Variants in KCNIP4 observed in about 807,000 individuals in gnomAD.
The protein encoded by KCNIP4 is Kv channel-interacting protein 4.
A neutral mutation model predicts 34.0 loss-of-function variants in KCNIP4; 12 were observed. The ratio of observed to expected loss-of-function variants is 0.35; its 90% CI spans 0.23 to 0.57. The LOEUF (loss-of-function observed/expected upper bound fraction) is 0.57. Ranked by LOEUF, KCNIP4 falls within the 20% of genes least tolerant of loss-of-function variation. The pLI, the probability that KCNIP4 is intolerant of heterozygous loss-of-function variation, is 0.83. For synonymous variants in KCNIP4, 124 were observed against 102.2 expected (o/e 1.21, Z -1.29); for missense variants, 238 against 311.7 (o/e 0.76, Z 1.78).
intron 1 of KCNIP4, among the ~76,000 whole-genome samples, chr4:21,271,229 C>T (rs1426343062): frequency 6.6e-6 from 1 of 152,088 alleles, no homozygotes; most frequent in Non-Finnish European, 1.5e-5. Context: ...TCTGTAAGGT[C>T]ATTAACCAAA....
At chr4:21,860,141 T>G (rs1219803644) in intron 1 of KCNIP4, among the ~76,000 whole-genome samples, 4 of 152,152 alleles carry the variant, frequency 2.6e-5, no homozygotes, top group Admixed American at 2.6e-4. Context: ...TTTGTTTTGT[T>G]TTGTTTTTTT....
rs141987105 is a variant in KCNIP4 at position 20,819,234 on chromosome 4, G to A, written c.288+31309C>T. On this transcript the variant is annotated intron_variant, in intron 3 of 8. Coordinates refer to ENST00000382152, the MANE Select transcript of KCNIP4 (RefSeq NM_025221.6). ...ACTATCATTATCTCGTTTTACGGAT[G>A]AGATAACAAAGTTACACTGTTAATA... Among the ~76,000 whole-genome samples, 3 of 142,666 alleles carry A rather than the reference G, an allele frequency of 2.1e-5. No homozygotes were observed. In the Admixed American group the frequency reaches 2.3e-4, roughly 11 times the overall value. 93.6% of individuals were successfully genotyped at this position (142,666 alleles called of 152,430 possible). A position where few individuals can be genotyped will look rare whatever the true frequency, so the allele number is the denominator to read the frequency against.
intron 1 of KCNIP4, among the ~76,000 whole-genome samples, chr4:21,568,330 A>G (rs575226391): frequency 6.6e-6 from 1 of 152,230 alleles, no homozygotes; most frequent in African/African-American, 2.4e-5. Flanking sequence ...GTCCTTATGA[A>G]AAGGAGATAT....
At chr4:21,308,635 A>G (rs1282303873) in intron 1 of KCNIP4, among the ~76,000 whole-genome samples, 1 of 152,184 alleles carries the variant, frequency 6.6e-6, no homozygotes, top group Non-Finnish European at 1.5e-5. Flanking sequence ...AACACTTGAT[A>G]GTGACTTTTT....
chr4:21,334,274 G>C (rs1018791195), intron 1 of KCNIP4, among the ~76,000 whole-genome samples: 5 of 151,862 alleles, frequency 3.3e-5, no homozygotes, highest in Non-Finnish European at 5.9e-5. Context: ...GTCATGGGGG[G>C]AATAAAAGGG....
chr4:21,795,689 G>A (rs1720575234), intron 1 of KCNIP4, among the ~76,000 whole-genome samples: 1 of 151,866 alleles, frequency 6.6e-6, no homozygotes, highest in Admixed American at 6.6e-5. Context: ...CTTAAGTATA[G>A]TTTAGTAAAA....
intron 1 of KCNIP4, among the ~76,000 whole-genome samples, chr4:21,938,862 AT>A (rs1410102662): frequency 6.6e-6 from 1 of 152,176 alleles, no homozygotes; most frequent in Admixed American, 6.5e-5. Context: ...ACCTTAAACA[AT>A]TAACATATCT....
chr4:21,717,960 T>A (rs1714515651), intron 1 of KCNIP4, among the ~76,000 whole-genome samples: 1 of 152,200 alleles, frequency 6.6e-6, no homozygotes, highest in African/African-American at 2.4e-5. Context: ...ACTTCTCTGT[T>A]CTGAATCTGT....
intron 1 of KCNIP4, among the ~76,000 whole-genome samples, chr4:21,831,172 T>G (rs970426181): frequency 3.3e-5 from 5 of 152,100 alleles, no homozygotes; most frequent in Non-Finnish European, 1.5e-5. Flanking sequence ...CTAAAAGGGA[T>G]GTTTATAGCA....
intron 1 of KCNIP4, among the ~76,000 whole-genome samples, chr4:21,866,532 G>T (rs1229784064): frequency 6.6e-6 from 1 of 150,944 alleles, no homozygotes; most frequent in Non-Finnish European, 1.5e-5. Context: ...TGATTTTTAG[G>T]AATCTACACT....
At chr4:20,923,700 A>G (rs1269230506) in intron 1 of KCNIP4, among the ~76,000 whole-genome samples, 1 of 152,176 alleles carries the variant, frequency 6.6e-6, no homozygotes, top group Non-Finnish European at 1.5e-5. Context: ...ACAAAACAAT[A>G]AGTTCAGAAG....
At chr4:20,837,279 A>T (rs1719155673) in intron 3 of KCNIP4, among the ~76,000 whole-genome samples, 1 of 152,218 alleles carries the variant, frequency 6.6e-6, no homozygotes, top group African/African-American at 2.4e-5. Context: ...TAGTCAACAC[A>T]GATTTAAGAG....
intron 1 of KCNIP4, among the ~76,000 whole-genome samples, chr4:21,588,456 G>C (rs1295117227): frequency 6.6e-6 from 1 of 151,952 alleles, no homozygotes; most frequent in Non-Finnish European, 1.5e-5. Flanking sequence ...AGGTATGTGA[G>C]GTTTACCTCC....
chr4:21,203,778 T>A (rs560108402), intron 1 of KCNIP4, among the ~76,000 whole-genome samples: 1 of 152,368 alleles, frequency 6.6e-6, no homozygotes, highest in Admixed American at 6.5e-5. Flanking sequence ...TAAAGAATTT[T>A]CATAAACTTG....
intron 1 of KCNIP4, among the ~76,000 whole-genome samples, chr4:21,165,619 A>G (rs1255709480): frequency 6.6e-6 from 1 of 152,116 alleles, no homozygotes; most frequent in African/African-American, 2.4e-5. Flanking sequence ...AAATCTTAGT[A>G]CTCTTGGATT....
At chr4:21,489,433 T>C (rs1355185980) in intron 1 of KCNIP4, among the ~76,000 whole-genome samples, 1 of 152,124 alleles carries the variant, frequency 6.6e-6, no homozygotes, top group East Asian at 1.9e-4. Context: ...AAACCTTTAT[T>C]GCTGCAATCA....
intron 1 of KCNIP4, among the ~76,000 whole-genome samples, chr4:21,599,418 A>T (rs1157123166): frequency 6.6e-6 from 1 of 151,708 alleles, no homozygotes; most frequent in East Asian, 1.9e-4. Context: ...TTCGAAGTTC[A>T]CAACTTTCCC....
intron 3 of KCNIP4, among the ~76,000 whole-genome samples, chr4:20,830,351 A>G (rs1718268615): frequency 6.6e-6 from 1 of 152,206 alleles, no homozygotes; most frequent in African/African-American, 2.4e-5. Context: ...ACATCAAAGA[A>G]CTATGAATTC....
At position 20,977,124 on chromosome 4, in the gene KCNIP4, C is replaced by T. The variant is rs764116769; in HGVS notation, c.62-94415G>A. On this transcript the variant is annotated intron_variant, in intron 1 of 8. Transcript: ENST00000382152. ...CTGGGATTATAGGTGTGAGCCACTGCGCCTGGCCAAACATGAACTTTAAAC... is the reference window on the plus strand; with the variant it reads ...CTGGGATTATAGGTGTGAGCCACTGTGCCTGGCCAAACATGAACTTTAAAC... 1.1e-4 allele frequency among the ~76,000 whole-genome samples: 17 copies of T among 152,234 alleles called. No individual in the cohort carries two copies. The East Asian group carries it at 1.6e-3, about 14-fold the overall frequency.
Sources: gnomAD v4.1 joint callset for allele counts (sites outside exome capture counted in the v4.1 genomes callset) on GRCh38, gnomAD v4.1.1 for gene constraint, MANE v1.5 for transcripts, NCBI Gene and HGNC (gene_info 2026-07-23, HGNC 2026-07-21) for gene names.